AFAP1L2: variants seen among roughly 807,000 people sequenced by gnomAD.
The protein encoded by AFAP1L2 is actin filament-associated protein 1-like 2.
A neutral mutation model predicts 99.3 loss-of-function variants in AFAP1L2; 46 were observed. The observed-to-expected ratio is 0.46, with a 90% CI of 0.37 to 0.59. AFAP1L2 has a LOEUF of 0.59. AFAP1L2 is among the 20% of genes least tolerant of loss of function. The pLI, the probability that AFAP1L2 is intolerant of heterozygous loss-of-function variation, is 0.00. For synonymous variants in AFAP1L2, 397 were observed against 419.1 expected (o/e 0.95, Z 0.64); for missense variants, 959 against 1,034.9 (o/e 0.93, Z 1.01).
intron 1 of AFAP1L2, among the ~76,000 whole-genome samples, chr10:114,378,007 C>T (rs1282227887): frequency 6.6e-6 from 1 of 152,176 alleles, no homozygotes; most frequent in East Asian, 1.9e-4. Context: ...CGTAAAGCCT[C>T]CCAGGCAAGG....
At chr10:114,390,778 C>T (rs965642417) in intron 1 of AFAP1L2, among the ~76,000 whole-genome samples, 4 of 151,370 alleles carry the variant, frequency 2.6e-5, no homozygotes, top group East Asian at 3.9e-4. Context: ...CTAGCCTATA[C>T]TCCCTCAGCT....
At chr10:114,373,718 C>T (rs895989971) in intron 1 of AFAP1L2, among the ~76,000 whole-genome samples, 6 of 152,160 alleles carry the variant, frequency 3.9e-5, no homozygotes, top group African/African-American at 1.4e-4. Flanking sequence ...ACAGGCTTCC[C>T]CAAAAGGAGG....
chr10:114,360,135 T>TA (rs11460760), intron 1 of AFAP1L2, among the ~76,000 whole-genome samples: 14,757 of 152,178 alleles, frequency 0.097, 1,858 homozygotes, highest in African/African-American at 0.29. Flanking sequence ...ATGGCCCCTC[T>TA]ATGTGACTGG....
intron 1 of AFAP1L2, among the ~76,000 whole-genome samples, chr10:114,359,906 CA>C (rs2051980931): frequency 4.1e-5 from 1 of 24,278 alleles, no homozygotes; most frequent in East Asian, 2.2e-3. Context: ...TGTCCTTCAC[CA>C]AGGACATATA....
At chr10:114,306,642 C>T (rs2042498316) in intron 10 of AFAP1L2, among the ~76,000 whole-genome samples, 1 of 152,006 alleles carries the variant, frequency 6.6e-6, no homozygotes, top group African/African-American at 2.4e-5. Context: ...ACACACACAC[C>T]CGTCACAATC....
chr10:114,382,576 T>C (rs1261902818), intron 1 of AFAP1L2, among the ~76,000 whole-genome samples: 1 of 140,544 alleles, frequency 7.1e-6, no homozygotes, highest in Non-Finnish European at 1.5e-5. Flanking sequence ...TGATATTATG[T>C]ATATTTCTTC....
Position 114,308,417 on chromosome 10 carries a change from A to G in AFAP1L2, c.967+16T>C, listed in dbSNP as rs581327. The stretch of plus-strand genomic sequence containing the variant: ...CAGCCTGGGACACCATTCCCCTCCC[A>G]ACCACATGATGTTACCGTCTTTGGT... On this transcript the variant is annotated intron_variant, in intron 9 of 18. Coordinates refer to ENST00000304129, the MANE Select transcript of AFAP1L2 (RefSeq NM_001001936.3). The G allele has an allele frequency of 0.92, 1,489,967 of 1,610,830 alleles. 689,496 individuals carry two copies. The highest frequency in any genetic ancestry group is 0.96 in the East Asian group (43,270 of 44,848).
At chr10:114,374,893 G>A (rs1369672570) in intron 1 of AFAP1L2, among the ~76,000 whole-genome samples, 2 of 151,968 alleles carry the variant, frequency 1.3e-5, no homozygotes, top group African/African-American at 4.8e-5. Flanking sequence ...TTAGGGCCAC[G>A]GAACAGGGGC....
the AFAP1L2 span, chr10:114,289,547 C>A: frequency 5.7e-6 from 9 of 1,579,038 alleles, no homozygotes; most frequent in South Asian, 1.1e-5. Context: ...TCAGCCTGAG[C>A]CTTCACATAC....
intron 1 of AFAP1L2, among the ~76,000 whole-genome samples, chr10:114,361,754 A>C (rs1355891895): frequency 6.6e-6 from 1 of 152,114 alleles, no homozygotes; most frequent in Non-Finnish European, 1.5e-5. Flanking sequence ...GGAGCACCTA[A>C]CATGTGTTAG....
chr10:114,289,204 G>A, the AFAP1L2 span: 19 of 1,613,340 alleles, frequency 1.2e-5, no homozygotes, highest in East Asian at 6.7e-5. Flanking sequence ...AGCCGGCACC[G>A]CCCTGCTGCA....
At chr10:114,388,785 G>A (rs1327612963) in intron 1 of AFAP1L2, among the ~76,000 whole-genome samples, 1 of 152,190 alleles carries the variant, frequency 6.6e-6, no homozygotes, top group African/African-American at 2.4e-5. Flanking sequence ...GCTGATACTT[G>A]AGCTTGAGAA....
intron 1 of AFAP1L2, among the ~76,000 whole-genome samples, chr10:114,375,491 A>C (rs533445618): frequency 1.3e-5 from 2 of 152,356 alleles, no homozygotes; most frequent in Admixed American, 6.5e-5. Flanking sequence ...ACTTTATTCC[A>C]ATGCTTTGTG....
intron 1 of AFAP1L2, among the ~76,000 whole-genome samples, chr10:114,369,543 C>G (rs978046328): frequency 2.0e-5 from 3 of 146,934 alleles, no homozygotes; most frequent in African/African-American, 7.7e-5. Context: ...TGCAGTGAGC[C>G]GACATCGTGC....
At chr10:114,380,132 T>C (rs150582549) in intron 1 of AFAP1L2, among the ~76,000 whole-genome samples, 2 of 152,184 alleles carry the variant, frequency 1.3e-5, no homozygotes, top group Non-Finnish European at 2.9e-5. Flanking sequence ...ACCATATTTA[T>C]GTCCGAGAGG....
At chr10:114,327,111 CATT>C (rs1164029293) in intron 4 of AFAP1L2, among the ~76,000 whole-genome samples, 1 of 127,748 alleles carries the variant, frequency 7.8e-6, no homozygotes, top group African/African-American at 2.6e-5. Context: ...TGATTATTAT[CATT>C]ATGATGGTGA....
chr10:114,374,850 G>A (rs2054595693), intron 1 of AFAP1L2, among the ~76,000 whole-genome samples: 3 of 137,120 alleles, frequency 2.2e-5, no homozygotes, highest in South Asian at 5.6e-4. Context: ...GGAGGGAGGG[G>A]GTGGGGGTGG....
chr10:114,332,581 A>G (rs1048587966), intron 3 of AFAP1L2, among the ~76,000 whole-genome samples: 1 of 152,184 alleles, frequency 6.6e-6, no homozygotes, highest in Non-Finnish European at 1.5e-5. Flanking sequence ...GTTAAGTCAC[A>G]GGCTTGGAAG....
chr10:114,290,219 G>A (rs1275338622), downstream of AFAP1L2: 2 of 1,550,076 alleles, frequency 1.3e-6, no homozygotes, highest in Non-Finnish European at 8.7e-7. Context: ...GGCCTGGTGG[G>A]TATGGTGTTC....
Sources: allele counts gnomAD v4.1 joint callset (sites outside exome capture counted in the v4.1 genomes callset), GRCh38; gene constraint gnomAD v4.1.1; transcripts MANE v1.5; gene names NCBI Gene and HGNC (gene_info 2026-07-23, HGNC 2026-07-21).